The following ARHGAP26 variants were observed in gnomAD, a reference collection of about 807,000 sequenced individuals.
The protein encoded by ARHGAP26 is rho GTPase-activating protein 26.
In ARHGAP26, 38 loss-of-function variants were observed where a neutral mutation model predicts 104.8. That is an observed-to-expected ratio of 0.36 (90% CI 0.28 to 0.48). The LOEUF is 0.48. Ranked by LOEUF, ARHGAP26 falls within the 20% of genes least tolerant of loss-of-function variation. The probability of loss-of-function intolerance (pLI) is 0.99; values close to 1 mark genes in which losing one functional copy is unlikely to be tolerated. For missense variants in ARHGAP26, 704 were observed against 947.9 expected (o/e 0.74, Z 3.38); for synonymous variants, 341 against 340.0 (o/e 1.00, Z -0.03).
intron 17 of ARHGAP26, among the ~76,000 whole-genome samples, chr5:143,082,392 G>A (rs1283092147): frequency 2.6e-5 from 4 of 152,206 alleles, no homozygotes; most frequent in Non-Finnish European, 5.9e-5. Context: ...CAGAAGTCAT[G>A]AGGAATAACA....
intron 11 of ARHGAP26, among the ~76,000 whole-genome samples, chr5:142,984,497 G>A (rs921218947): frequency 6.6e-6 from 1 of 152,170 alleles, no homozygotes; most frequent in Non-Finnish European, 1.5e-5. Context: ...CCTCAGAGAA[G>A]TATATAATTT....
At position 143,224,437 on chromosome 5, in the gene ARHGAP26, G is replaced by A. The variant is rs1811500259; in HGVS notation, c.*1991G>A. ...TTTGGAGATGGGAAGAGCATCTCCA[G>A]GCAATGAGTTTTTCAAAGAATGCCT... On this transcript the variant is annotated 3_prime_UTR_variant, in exon 23 of 23. Transcript: ENST00000645722. 1 of 228,952 alleles carries A rather than the reference G, an allele frequency of 4.4e-6. No individual in the cohort carries two copies. Among genetic ancestry groups the A allele is most frequent in the African/African-American group, 2.2e-5 (1 of 45,084 alleles). 14.2% of individuals were successfully genotyped at this position (228,952 alleles called of 1,614,324 possible).
At chr5:142,955,127 C>A (rs978927120) in intron 11 of ARHGAP26, among the ~76,000 whole-genome samples, 1 of 149,586 alleles carries the variant, frequency 6.7e-6, no homozygotes. Context: ...CACACACACC[C>A]CCCATCTCTG....
In ARHGAP26 at chr5:142,831,253, C is replaced by T. The variant is rs191872719; in HGVS notation, c.155-42147C>T. Reference sequence around the variant, plus strand: ...TCAGTCATTTGATATCTCTCTGCCTCGTTCAGGTGCTGAACACTCTGTCCA... The same window carrying T: ...TCAGTCATTTGATATCTCTCTGCCTTGTTCAGGTGCTGAACACTCTGTCCA... On this transcript the variant is annotated intron_variant, in intron 1 of 22. Coordinates refer to ENST00000645722, the MANE Select transcript of ARHGAP26 (RefSeq NM_001135608.3). Among the ~76,000 whole-genome samples, 992 of 152,328 alleles carry T rather than the reference C, an allele frequency of 6.5e-3. 9 individuals carry two copies. Among genetic ancestry groups the T allele is most frequent in the Middle Eastern group, 0.031 (9 of 294 alleles).
chr5:142,917,305 C>T (rs1762615291), intron 10 of ARHGAP26, among the ~76,000 whole-genome samples: 1 of 152,112 alleles, frequency 6.6e-6, no homozygotes, highest in African/African-American at 2.4e-5. Context: ...TCTCAAAGTG[C>T]TGGGATTACA....
chr5:143,068,870 A>T (rs1322884295), intron 17 of ARHGAP26, among the ~76,000 whole-genome samples: 2 of 152,172 alleles, frequency 1.3e-5, no homozygotes, highest in African/African-American at 4.8e-5. Context: ...AGTATTGCTG[A>T]TGACCTCATG....
intron 11 of ARHGAP26, among the ~76,000 whole-genome samples, chr5:143,012,130 A>T (rs1257908282): frequency 6.6e-6 from 1 of 152,166 alleles, no homozygotes; most frequent in Non-Finnish European, 1.5e-5. Context: ...ATGCCTTTTC[A>T]TTCATTAGAC....
rs1433884653 is a variant in ARHGAP26, at chr5:142,827,259, C to T, written c.155-46141C>T. On this transcript the variant is annotated intron_variant, in intron 1 of 22. Coordinates refer to ENST00000645722, the MANE Select transcript of ARHGAP26 (RefSeq NM_001135608.3). ...GGTTGGTTGTGGCATGGCCCTGTGT[C>T]CTGTGGTCATGGTCTTACTACAACT... is the stretch of plus-strand genomic sequence containing the variant. Among the ~76,000 whole-genome samples, 3 of 151,962 alleles carry T rather than the reference C, an allele frequency of 2.0e-5. No homozygotes were observed. The East Asian group carries it at 5.8e-4, about 29-fold the overall frequency.
At chr5:142,894,185 G>A (rs1187409208) in intron 5 of ARHGAP26, 53 bp from the exon 6 acceptor site, 7 of 1,476,698 alleles carry the variant, frequency 4.7e-6, no homozygotes, top group Non-Finnish European at 6.6e-6. Flanking sequence ...CTTTCGGAAT[G>A]CTATCCTTGG....
intron 20 of ARHGAP26, among the ~76,000 whole-genome samples, chr5:143,197,609 C>A (rs529168383): frequency 6.6e-6 from 1 of 152,284 alleles, no homozygotes; most frequent in Admixed American, 6.5e-5. Flanking sequence ...TGGTTATAAA[C>A]CCTTTGTTCA....
chr5:142,992,440 A>T (rs369856262), intron 11 of ARHGAP26, among the ~76,000 whole-genome samples: 2,177 of 146,252 alleles, frequency 0.015, 25 homozygotes, highest in Middle Eastern at 0.028. Flanking sequence ...TTTATTTTTT[A>T]TTTTTTTTTT....
chr5:142,956,572 C>CAAACA (rs1215756163), intron 11 of ARHGAP26, among the ~76,000 whole-genome samples: 4 of 151,968 alleles, frequency 2.6e-5, no homozygotes, highest in South Asian at 2.1e-4. Flanking sequence ...GAGCCTGTCT[C>CAAACA]AAACAAAACA....
intron 17 of ARHGAP26, among the ~76,000 whole-genome samples, chr5:143,079,085 A>G (rs976866932): frequency 6.6e-6 from 1 of 152,228 alleles, no homozygotes; most frequent in African/African-American, 2.4e-5. Flanking sequence ...TTGTTTTCAC[A>G]TAACTAGTCT....
intron 17 of ARHGAP26, 43 bp from the exon 18 acceptor site, chr5:143,120,945 C>T (rs1796057312): frequency 1.3e-6 from 2 of 1,582,468 alleles, no homozygotes; most frequent in East Asian, 4.5e-5. Flanking sequence ...TCTCTGTGTA[C>T]ACGATTTGTC....
At chr5:142,954,614 C>T (rs1768919163) in intron 11 of ARHGAP26, among the ~76,000 whole-genome samples, 1 of 152,330 alleles carries the variant, frequency 6.6e-6, no homozygotes, top group South Asian at 2.1e-4. Flanking sequence ...TTGCCAGTTC[C>T]CTCACCCAGA....
chr5:143,015,659 G>T (rs1598638948), intron 12 of ARHGAP26, among the ~76,000 whole-genome samples: 1 of 152,298 alleles, frequency 6.6e-6, no homozygotes, highest in African/African-American at 2.4e-5. Flanking sequence ...TACACTAACA[G>T]ATACTCACAC....
chr5:142,890,151 A>AAAAAAAAAAAAATAT (rs1252590997), intron 5 of ARHGAP26, among the ~76,000 whole-genome samples: 6 of 32,426 alleles, frequency 1.9e-4, no homozygotes, highest in Admixed American at 4.9e-4. Context: ...AAAAAAAAAA[A>AAAAAAAAAAAAATAT]ATATATATAT....
chr5:143,147,961 T>TG (rs1298068823), intron 20 of ARHGAP26, among the ~76,000 whole-genome samples: 1 of 152,236 alleles, frequency 6.6e-6, no homozygotes, highest in Non-Finnish European at 1.5e-5. Context: ...ACAATTAGTT[T>TG]GGGGGCTGGT....
intron 17 of ARHGAP26, among the ~76,000 whole-genome samples, chr5:143,074,385 C>T (rs1788696076): frequency 6.6e-6 from 1 of 152,120 alleles, no homozygotes; most frequent in South Asian, 2.1e-4. Context: ...GTCTGGTATC[C>T]TGGCCTTTTT....
Sources: allele counts gnomAD v4.1 joint callset (sites outside exome capture counted in the v4.1 genomes callset), GRCh38; gene constraint gnomAD v4.1.1; transcripts MANE v1.5; gene names NCBI Gene and HGNC (gene_info 2026-07-23, HGNC 2026-07-21).